Variants in PERM1 observed in about 807,000 individuals in gnomAD.
PERM1 encodes PGC-1 and ERR-induced regulator in muscle protein 1.
Under a neutral mutation model 44.1 loss-of-function variants are expected in PERM1, and 45 were observed. The observed-to-expected ratio is 1.02, with a 90% CI of 0.80 to 1.31. The LOEUF is 1.31. Ranked by LOEUF, PERM1 falls within the 50% of genes most tolerant of loss-of-function variation. The probability of loss-of-function intolerance (pLI) is 0.00; values close to 1 mark genes in which losing one functional copy is unlikely to be tolerated. For missense variants in PERM1, 1,189 were observed against 1,106.9 expected, an observed-to-expected ratio of 1.07 and a Z score of -1.05; for synonymous variants, 565 against 477.1, an observed-to-expected ratio of 1.18 and a Z score of -2.40.
At chr1:976,616 G>C (rs779231299) in exon 2 of PERM1, 1 of 1,549,060 alleles carries the variant, frequency 6.5e-7, no homozygotes. Flanking sequence ...ACAGGCCCCC[G>C]GAGCTCCCCT....
In PERM1 at chr1:976,651, C is replaced by A; in HGVS notation, c.2150-27G>T. The A allele has an allele frequency of 3.2e-6, 5 of 1,548,706 alleles. No individual in the cohort carries two copies. The South Asian group carries it at 3.6e-5, about 11-fold the overall frequency. On this transcript the variant is annotated intron_variant, in intron 1 of 2. Transcript: ENST00000433179. ...TAGGACAGAAGCTCACCTTCAGCCC[C>A]ACGGCTGCACTCAGAGATGGCCCCG...
exon 1 of PERM1, chr1:979,794 C>T: frequency 6.5e-7 from 1 of 1,550,372 alleles, no homozygotes; most frequent in Non-Finnish European, 8.7e-7. Flanking sequence ...TAGGCAAGGC[C>T]ACATCCAGGC....
exon 1 of PERM1, chr1:979,047 T>C (rs1361674210): frequency 2.6e-6 from 4 of 1,544,284 alleles, no homozygotes; most frequent in East Asian, 2.5e-5. Context: ...AGAAGAAGTG[T>C]TCATAGACCT....
rs529400839 is a variant in PERM1 at position 976,655 on chromosome 1, G to A, written c.2150-31C>T. On this transcript the variant is annotated intron_variant, in intron 1 of 2. Transcript: ENST00000433179. ...ACAGAAGCTCACCTTCAGCCCCACG[G>A]CTGCACTCAGAGATGGCCCCGCACA... 1.1e-4 allele frequency: 170 copies of A among 1,547,530 alleles called. 1 individual carries two copies. Among genetic ancestry groups the A allele is most frequent in the Non-Finnish European group, 1.4e-4 (159 of 1,145,100 alleles).
chr1:979,497 G>A (rs774815278), exon 1 of PERM1: 13 of 1,549,664 alleles, frequency 8.4e-6, no homozygotes, highest in African/African-American at 5.5e-5. Flanking sequence ...TATTGGGGCT[G>A]GGCCCAGCCA....
chr1:975,623 G>T (rs989451705), exon 3 of PERM1: 2 of 154,632 alleles, frequency 1.3e-5, no homozygotes, highest in African/African-American at 4.8e-5. Context: ...GATGGGCCTT[G>T]GAGCCCTTGC....
Position 980,663 on chromosome 1 carries a change from TG to T in PERM1, c.366del (p.Ser123AlafsTer97). The T allele has an allele frequency of 7.0e-7, 1 of 1,431,422 alleles. No homozygotes were observed. 88.7% of individuals were successfully genotyped at this position (1,431,422 alleles called of 1,614,324 possible). Reference sequence around the variant, plus strand: ...GGACCAGGGCAGGATGAGAACTGGCTGGGAGGGCTGGCGCCGGGGCCGAGGG... The same window carrying T: ...GGACCAGGGCAGGATGAGAACTGGCTGGAGGGCTGGCGCCGGGGCCGAGGG... On this transcript the variant is annotated frameshift_variant, in exon 1 of 3. Coordinates refer to ENST00000433179, the Ensembl canonical transcript of PERM1. LOFTEE classifies it high-confidence loss of function.
upstream of PERM1, chr1:981,053 G>A: frequency 6.5e-7 from 1 of 1,543,940 alleles, no homozygotes; most frequent in Non-Finnish European, 8.7e-7. Context: ...AGGCACTGGA[G>A]GGTAGCAGAA....
chr1:980,817 C>A, exon 1 of PERM1: 8 of 1,398,392 alleles, frequency 5.7e-6, no homozygotes, highest in Non-Finnish European at 7.4e-6. Flanking sequence ...CGCAGCCCCG[C>A]CGGCTCCGCC....
exon 1 of PERM1, chr1:980,457 C>T: frequency 2.0e-6 from 3 of 1,537,130 alleles, no homozygotes; most frequent in East Asian, 2.5e-5. Context: ...GCCCACCCCC[C>T]TTGGCACCCA....
exon 1 of PERM1, chr1:979,056 C>T (rs1643705731): frequency 1.3e-6 from 2 of 1,546,714 alleles, no homozygotes; most frequent in Non-Finnish European, 1.7e-6. Flanking sequence ...GTTCATAGAC[C>T]TCAGGGATGG....
exon 2 of PERM1, chr1:976,554 A>C (rs1173634994): frequency 1.9e-6 from 3 of 1,549,472 alleles, no homozygotes; most frequent in South Asian, 2.4e-5. Context: ...CCCAGGTGGC[A>C]AAAGCTACAA....
exon 3 of PERM1, chr1:976,063 G>T: frequency 9.2e-7 from 1 of 1,090,050 alleles, no homozygotes. Flanking sequence ...CCTCCTGGAC[G>T]CGGTAGAAGA....
At chr1:976,234 G>A (rs1285961644) in exon 3 of PERM1, 24 of 1,537,538 alleles carry the variant, frequency 1.6e-5, no homozygotes, top group East Asian at 2.4e-5. Context: ...CGGAAGTAGC[G>A]GATGGCAGAG....
chr1:976,550 T>G, exon 2 of PERM1: 1 of 1,549,542 alleles, frequency 6.5e-7, no homozygotes, highest in Non-Finnish European at 8.7e-7. Context: ...ACAGCCCAGG[T>G]GGCAAAAGCT....
exon 1 of PERM1, chr1:979,702 C>G: frequency 6.5e-7 from 1 of 1,550,214 alleles, no homozygotes; most frequent in Non-Finnish European, 8.7e-7. Flanking sequence ...AGACACAAGC[C>G]CGCTGGACTC....
chr1:976,450 C>G, intron 2 of PERM1, 49 bp downstream of exon 3: 1 of 1,549,052 alleles, frequency 6.5e-7, no homozygotes, highest in South Asian at 1.2e-5. Flanking sequence ...GCCAGCGCCC[C>G]TCGGTCTGGC....
Position 980,210 on chromosome 1 carries a change from G to A in PERM1, c.820C>T (p.Arg274Ter), listed in dbSNP as rs756234018. 1.9e-5 allele frequency: 30 copies of A among 1,550,316 alleles called. No homozygotes were observed. In the East Asian group the frequency reaches 2.0e-4, roughly 10 times the overall value. Residue 274 changes from arginine (R) to a stop codon, truncating the protein, a stop_gained, in exon 1 of 3, where the codon CGA (arginine) becomes TGA (stop). Coordinates refer to ENST00000433179, the Ensembl canonical transcript of PERM1. LOFTEE classifies it high-confidence loss of function. Reference sequence around the variant, plus strand: ...GTGGACACTGTGTGCAGCTTGGCTCGGCGCGGGGTTCTGATTTGGTCTGTG... The same window carrying A: ...GTGGACACTGTGTGCAGCTTGGCTCAGCGCGGGGTTCTGATTTGGTCTGTG...
exon 3 of PERM1, chr1:975,722 G>C (rs955230309): frequency 6.2e-6 from 1 of 161,260 alleles, no homozygotes; most frequent in Non-Finnish European, 1.4e-5. Flanking sequence ...AGCTCCAGCC[G>C]GAGTGTCTTG....
Sources: gnomAD v4.1 joint callset for allele counts on GRCh38, gnomAD v4.1.1 for gene constraint, MANE v1.5 for transcripts, NCBI Gene and HGNC (gene_info 2026-07-23, HGNC 2026-07-21) for gene names.